HLA-DQA1: variants seen among roughly 807,000 people sequenced by gnomAD.
HLA-DQA1 encodes the protein major histocompatibility complex, class II, DQ alpha 1.
HLA-DQA1 carries 10 observed loss-of-function variants against 20.7 expected under a neutral mutation model. The ratio of observed to expected loss-of-function variants is 0.48; its 90% confidence interval spans 0.30 to 0.82. The LOEUF (loss-of-function observed/expected upper bound fraction) is 0.82. Ranked by LOEUF, HLA-DQA1 falls within the 40% of genes least tolerant of loss-of-function variation. The probability of loss-of-function intolerance (pLI) is 0.07; values close to 1 mark genes in which losing one functional copy is unlikely to be tolerated. For missense variants in HLA-DQA1, 127 were observed against 293.0 expected, an observed-to-expected ratio of 0.43 and a Z score of 4.14; for synonymous variants, 39 against 109.2, an observed-to-expected ratio of 0.36 and a Z score of 4.01.
rs112464257 is a variant in HLA-DQA1 at position 32,641,559 on chromosome 6, G to T, written c.331+1G>T. 17 of 1,021,150 alleles carry T rather than the reference G, an allele frequency of 1.7e-5. 7 individuals carry two copies. The highest frequency in any genetic ancestry group is 2.3e-5 in the Non-Finnish European group (17 of 741,042). The allele number at this position is 1,021,150 out of a possible 1,614,324, so 63.3% of individuals were successfully genotyped here. A position where few individuals can be genotyped will look rare whatever the true frequency, so the allele number is the denominator to read the frequency against. On this transcript the variant is annotated splice_donor_variant, in intron 2 of 4. Coordinates refer to ENST00000343139, the MANE Select transcript of HLA-DQA1 (RefSeq NM_002122.5). LOFTEE classifies it high-confidence loss of function. ...TACAACTCTACCGCTGCTACCAATGGTATGCGTCCACCATTCTGCCTCTCT... is the reference window on the plus strand; with the variant it reads ...TACAACTCTACCGCTGCTACCAATGTTATGCGTCCACCATTCTGCCTCTCT...
At chr6:32,641,895 G>C in intron 2 of HLA-DQA1, 77 bp from the exon 3 acceptor site, 1 of 909,642 alleles carries the variant, frequency 1.1e-6, no homozygotes, top group Non-Finnish European at 1.6e-6. Context: ...CTGGTAGGAG[G>C]GCTCTTCCAG....
At chr6:32,650,290 G>A (rs1186472541), downstream of HLA-DQA1, among the ~76,000 whole-genome samples, 24 of 96,768 alleles carry the variant, frequency 2.5e-4, 9 homozygotes, top group Non-Finnish European at 5.3e-4. Flanking sequence ...ACAATGTGGC[G>A]ATTCCTCAAG....
intron 1 of HLA-DQA1, chr6:32,638,918 T>C (rs28435909): frequency 0.16 from 55,577 of 345,706 alleles, 14,356 homozygotes; most frequent in South Asian, 0.3. Flanking sequence ...TCAGGATCCA[T>C]CTCTGACTCC....
chr6:32,640,793 A>T (rs1488615170), intron 1 of HLA-DQA1, among the ~76,000 whole-genome samples: 2 of 68,492 alleles, frequency 2.9e-5, no homozygotes, highest in Non-Finnish European at 5.7e-5. Context: ...AATTAATAAG[A>T]TCCTGCATGC....
the HLA-DQA1 span, among the ~76,000 whole-genome samples, chr6:32,652,279 C>A: frequency 0.01 from 419 of 41,032 alleles, no homozygotes; most frequent in Admixed American, 0.011. Context: ...GACTCCATCT[C>A]AAAAAAAAAA....
chr6:32,648,088 G>T (rs10456410), downstream of HLA-DQA1, among the ~76,000 whole-genome samples: 12,603 of 139,146 alleles, frequency 0.091, 785 homozygotes, highest in South Asian at 0.12. Context: ...TTGAAGAAAT[G>T]TATCTTGAGA....
chr6:32,645,230 C>A (rs1410882200), downstream of HLA-DQA1: 1 of 151,638 alleles, frequency 6.6e-6, no homozygotes, highest in Non-Finnish European at 1.5e-5. Context: ...ATGGGGGAGG[C>A]TATGCATGTG....
chr6:32,653,964 T>G, the HLA-DQA1 span, among the ~76,000 whole-genome samples: 3 of 100,178 alleles, frequency 3.0e-5, no homozygotes, highest in African/African-American at 3.5e-5. Flanking sequence ...GGTGGGGAAA[T>G]GGGGGTAGTA....
chr6:32,640,727 A>G (rs1334106936), intron 1 of HLA-DQA1, among the ~76,000 whole-genome samples: 2 of 104,782 alleles, frequency 1.9e-5, no homozygotes, highest in African/African-American at 3.3e-5. Context: ...TAATGTTATT[A>G]CCAATCTTGT....
At chr6:32,644,905 T>C (rs915720977), downstream of HLA-DQA1, 1 of 134,266 alleles carries the variant, frequency 7.4e-6, no homozygotes, top group African/African-American at 2.7e-5. Flanking sequence ...CTGTTTACTT[T>C]GGGGAAGAAG....
In HLA-DQA1 at chr6:32,637,845, G is replaced by C. The variant is rs115520544; in HGVS notation, c.82+305G>C. ...AAAAATTAGTGAGGTTTCCATCAGTGGATAATTTTTTATTATTAAAAATTT... is the reference window on the plus strand; with the variant it reads ...AAAAATTAGTGAGGTTTCCATCAGTCGATAATTTTTTATTATTAAAAATTT... On this transcript the variant is annotated intron_variant, in intron 1 of 4. Coordinates refer to ENST00000343139, the MANE Select transcript of HLA-DQA1 (RefSeq NM_002122.5). 9.2e-4 allele frequency among the ~76,000 whole-genome samples: 106 copies of C among 115,048 alleles called. 1 individual carries two copies. The highest frequency in any genetic ancestry group is 2.1e-3 in the Admixed American group (21 of 10,124). The allele number at this position is 115,048 out of a possible 152,430, so 75.5% of individuals were successfully genotyped here. A position where few individuals can be genotyped will look rare whatever the true frequency, so the allele number is the denominator to read the frequency against.
At position 32,642,634 on chromosome 6, in the gene HLA-DQA1, C is replaced by T. The variant is rs1018799346; in HGVS notation, c.638C>T (p.Ser213Leu). 4 of 1,365,982 alleles carry T rather than the reference C, an allele frequency of 2.9e-6. No homozygotes were observed. The highest frequency in any genetic ancestry group is 4.0e-6 in the Non-Finnish European group (4 of 992,900). The allele number at this position is 1,365,982 out of a possible 1,614,324, so 84.6% of individuals were successfully genotyped here. Residue 213 changes from serine to leucine, a missense_variant, in exon 4 of 5, where the codon TCA becomes TTA. By Grantham distance (145) the Ser-to-Leu change is moderately radical. Transcript: ENST00000343139. ...HWEPEIPAPM[S>L]ELTETVVCAL... ...GAGCCTGAGATTCCAGCCCCTATGT[C>T]AGAGCTCACAGAGACTGTGGTCTGT...
downstream of HLA-DQA1, chr6:32,645,933 A>G: frequency 7.2e-6 from 1 of 138,798 alleles, no homozygotes; most frequent in Non-Finnish European, 1.6e-5. Context: ...GACCAGAGTC[A>G]TGCAGAAATC....
chr6:32,640,328 T>C (rs1248099042), intron 1 of HLA-DQA1, among the ~76,000 whole-genome samples: 2 of 100,472 alleles, frequency 2.0e-5, no homozygotes, highest in African/African-American at 6.9e-5. Flanking sequence ...CGGCTATGTC[T>C]GACACTTGTG....
intron 1 of HLA-DQA1, among the ~76,000 whole-genome samples, chr6:32,638,085 T>TC (rs1313604289): frequency 3.0e-5 from 4 of 132,764 alleles, no homozygotes; most frequent in African/African-American, 1.1e-4. Context: ...CCTTCAACAA[T>TC]CATTTTACCA....
In HLA-DQA1 at chr6:32,642,115, T is replaced by A. The variant is rs1481523113; in HGVS notation, c.475T>A (p.Ser159Thr). 2.3e-6 allele frequency: 3 copies of A among 1,333,260 alleles called. No individual in the cohort carries two copies. Among genetic ancestry groups the A allele is most frequent in the Non-Finnish European group, 1.0e-6 (1 of 959,170 alleles). The allele number at this position is 1,333,260 out of a possible 1,614,324, so 82.6% of individuals were successfully genotyped here. A position where few individuals can be genotyped will look rare whatever the true frequency, so the allele number is the denominator to read the frequency against. ...SNGQSVTEGVSETSFLSKSDH... is the reference protein window; with the variant it reads ...SNGQSVTEGVTETSFLSKSDH... ...TGGGCAGTCAGTCACAGAAGGTGTTTCTGAGACCAGCTTCCTCTCCAAGAG... is the reference window on the plus strand; with the variant it reads ...TGGGCAGTCAGTCACAGAAGGTGTTACTGAGACCAGCTTCCTCTCCAAGAG... Residue 159 changes from serine (S) to threonine (T), a missense_variant, in exon 3 of 5, where the codon TCT (serine) becomes ACT (threonine). By Grantham distance (58) the Ser-to-Thr change is moderately conservative. Coordinates refer to ENST00000343139, the MANE Select transcript of HLA-DQA1 (RefSeq NM_002122.5).
Position 32,642,115 on chromosome 6 carries a change from T to C in HLA-DQA1, c.475T>C (p.Ser159Pro). The C allele has an allele frequency of 1.5e-6, 2 of 1,333,262 alleles. No individual in the cohort carries two copies. Among genetic ancestry groups the C allele is most frequent in the Non-Finnish European group, 2.1e-6 (2 of 959,172 alleles). 82.6% of individuals were successfully genotyped at this position (1,333,262 alleles called of 1,614,324 possible). A position where few individuals can be genotyped will look rare whatever the true frequency, so the allele number is the denominator to read the frequency against. ...TGGGCAGTCAGTCACAGAAGGTGTT[T>C]CTGAGACCAGCTTCCTCTCCAAGAG... The part of the protein sequence containing the change: ...SNGQSVTEGV[S>P]ETSFLSKSDH... The change falls in exon 3 of 5, where the codon TCT (serine) becomes CCT (proline). Residue 159 changes from serine (S) to proline (P), a missense_variant. This residue lies in a region of HLA-DQA1 where 46 missense variants were observed against 152.1 expected (regional missense o/e 0.30). Coordinates refer to ENST00000343139, the MANE Select transcript of HLA-DQA1 (RefSeq NM_002122.5).
At chr6:32,642,465 A>C (rs1781513372) in intron 3 of HLA-DQA1, 145 bp from the exon 4 acceptor site, 1 of 721,444 alleles carries the variant, frequency 1.4e-6, no homozygotes, top group Non-Finnish European at 2.3e-6. Flanking sequence ...CTGCCACTTC[A>C]TGGTTTTCTA....
chr6:32,637,800 C>T (rs952311570), intron 1 of HLA-DQA1, among the ~76,000 whole-genome samples: 1 of 115,502 alleles, frequency 8.7e-6, no homozygotes, highest in Non-Finnish European at 1.9e-5. Context: ...GTCTCTATGT[C>T]GTTCCATCAT....
Sources: allele counts gnomAD v4.1 joint callset (sites outside exome capture counted in the v4.1 genomes callset), GRCh38; gene constraint gnomAD v4.1.1; regional missense constraint gnomAD v4.1.1; transcripts MANE v1.5; gene names NCBI Gene and HGNC (gene_info 2026-07-23, HGNC 2026-07-21).